The following ACMSD variants were observed in gnomAD, a reference collection of about 807,000 sequenced individuals.
ACMSD encodes the protein 2-amino-3-carboxymuconate-6-semialdehyde decarboxylase.
A neutral mutation model predicts 45.9 loss-of-function variants in ACMSD; 37 were observed. That is an observed-to-expected ratio of 0.81 (90% CI 0.62 to 1.06). The LOEUF (loss-of-function observed/expected upper bound fraction) is 1.06. Among genes scored for constraint, ACMSD ranks in the 50% least tolerant of loss-of-function variants. ACMSD has a pLI of 0.00. For missense variants in ACMSD, 434 were observed against 420.9 expected, an observed-to-expected ratio of 1.03 and a Z score of -0.27; for synonymous variants, 138 against 148.8, an observed-to-expected ratio of 0.93 and a Z score of 0.53.
chr2:134,849,077 C>G (rs898304291), intron 2 of ACMSD, among the ~76,000 whole-genome samples: 6 of 152,110 alleles, frequency 3.9e-5, no homozygotes, highest in African/African-American at 1.4e-4. Flanking sequence ...CTAGGAAGCC[C>G]CAGCTGCAGG....
At chr2:134,898,993 T>C (rs922405233) in intron 9 of ACMSD, among the ~76,000 whole-genome samples, 1 of 152,040 alleles carries the variant, frequency 6.6e-6, no homozygotes, top group African/African-American at 2.4e-5. Context: ...AGATGCAGTG[T>C]CTTCAGTTTC....
rs7603502 is a variant in ACMSD at position 134,895,358 on chromosome 2, A to T, written c.850-2983A>T. 1.0e-4 allele frequency among the ~76,000 whole-genome samples: 15 copies of T among 145,028 alleles called. No individual in the cohort carries two copies. The East Asian group carries it at 1.2e-3, about 12-fold the overall frequency. Reference sequence around the variant, plus strand: ...TATATAATATATATATAACATATATAATATATATATATGTTACAAAACATT... The same window carrying T: ...TATATAATATATATATAACATATATTATATATATATATGTTACAAAACATT... On this transcript the variant is annotated intron_variant, in intron 8 of 9. Transcript: ENST00000356140.
chr2:134,901,577 T>C (rs1427025042), intron 9 of ACMSD, among the ~76,000 whole-genome samples: 2 of 152,110 alleles, frequency 1.3e-5, no homozygotes, highest in African/African-American at 4.8e-5. Flanking sequence ...CTCCCCTTTA[T>C]AAGTCTCTTC....
At position 134,845,268 on chromosome 2, in the gene ACMSD, C is replaced by A. The variant is rs749148151; in HGVS notation, c.93C>A (p.His31Gln). 2 of 1,614,086 alleles carry A rather than the reference C, an allele frequency of 1.2e-6. No homozygotes were observed. The highest frequency in any genetic ancestry group is 2.2e-5 in the South Asian group (2 of 91,076). ...FGYGGWVQLQ[H>Q]HSKGEAKLLK... Reference sequence around the variant, plus strand: ...ACGGAGGCTGGGTGCAGCTCCAACACCACAGCAAGGTGAGTTTCTTCCAAA... The same window carrying A: ...ACGGAGGCTGGGTGCAGCTCCAACAACACAGCAAGGTGAGTTTCTTCCAAA... The change falls in exon 2 of 10, where the codon CAC becomes CAA. Residue 31 changes from histidine to glutamine, a missense_variant. Physicochemically the swap from His to Gln is conservative, Grantham distance 24 (BLOSUM62 0). Transcript: ENST00000356140.
intron 2 of ACMSD, among the ~76,000 whole-genome samples, chr2:134,849,459 C>A (rs1687228042): frequency 6.6e-6 from 1 of 152,100 alleles, no homozygotes; most frequent in African/African-American, 2.4e-5. Flanking sequence ...CAAATGTATA[C>A]AATTATGCAA....
intron 1 of ACMSD, among the ~76,000 whole-genome samples, chr2:134,842,250 G>C (rs149540868): frequency 6.6e-6 from 1 of 152,026 alleles, no homozygotes; most frequent in Non-Finnish European, 1.5e-5. Context: ...TGAGAACTGC[G>C]GGGCTACATC....
intron 8 of ACMSD, among the ~76,000 whole-genome samples, chr2:134,879,236 T>C (rs2104907723): frequency 6.6e-6 from 1 of 152,326 alleles, no homozygotes; most frequent in East Asian, 1.9e-4. Context: ...TGCTAAATTT[T>C]TGCCACCACC....
chr2:134,844,175 G>T (rs1245073632), intron 1 of ACMSD, among the ~76,000 whole-genome samples: 2 of 152,204 alleles, frequency 1.3e-5, no homozygotes, highest in Non-Finnish European at 2.9e-5. Flanking sequence ...TTTTCAGGCG[G>T]TGGCTTTCCA....
In ACMSD at chr2:134,846,922, G is replaced by A. The variant is rs12622574; in HGVS notation, c.102+1645G>A. Among the ~76,000 whole-genome samples, 1,620 of 152,288 alleles carry A rather than the reference G, an allele frequency of 0.011. 76 individuals carry two copies. The East Asian group carries it at 0.17, about 16-fold the overall frequency. On this transcript the variant is annotated intron_variant, in intron 2 of 9. Coordinates refer to ENST00000356140, the MANE Select transcript of ACMSD (RefSeq NM_138326.3). ...CAAGAGGCTGGCTGGTCTGTGACCT[G>A]GCAAAGGCTTCGAGGATGAGAAGGG...
chr2:134,859,927 C>T (rs1348635974), intron 3 of ACMSD, among the ~76,000 whole-genome samples: 1 of 152,010 alleles, frequency 6.6e-6, no homozygotes, highest in Non-Finnish European at 1.5e-5. Flanking sequence ...TGCTAAAAAG[C>T]TATAAGAACA....
At chr2:134,874,874 T>C (rs1334580102) in intron 8 of ACMSD, among the ~76,000 whole-genome samples, 2 of 152,154 alleles carry the variant, frequency 1.3e-5, no homozygotes, top group African/African-American at 2.4e-5. Flanking sequence ...ATGATCATAA[T>C]GGGAAATCAG....
intron 7 of ACMSD, among the ~76,000 whole-genome samples, chr2:134,871,281 G>A (rs532570219): frequency 6.6e-6 from 1 of 152,182 alleles, no homozygotes; most frequent in South Asian, 2.1e-4. Flanking sequence ...TTCTTACAAG[G>A]ACATCAGTAC....
At chr2:134,897,186 G>C (rs1690206204) in intron 8 of ACMSD, among the ~76,000 whole-genome samples, 1 of 151,446 alleles carries the variant, frequency 6.6e-6, no homozygotes, top group Non-Finnish European at 1.5e-5. Context: ...TGACCCCCAA[G>C]CCCTAGTCCT....
chr2:134,857,636 T>C (rs1325935269), intron 2 of ACMSD, among the ~76,000 whole-genome samples: 1 of 152,034 alleles, frequency 6.6e-6, no homozygotes. Flanking sequence ...AAAAACAATT[T>C]AACTTCTTTC....
intron 5 of ACMSD, among the ~76,000 whole-genome samples, chr2:134,866,876 TCTGG>T (rs2104867984): frequency 6.6e-6 from 1 of 152,350 alleles, no homozygotes; most frequent in East Asian, 1.9e-4. Context: ...TCAGTGCCTG[TCTGG>T]CTAAGGCACT....
chr2:134,872,644 A>G lies in ACMSD; in HGVS notation c.849+3A>G. 1 of 1,614,164 alleles carries G rather than the reference A, an allele frequency of 6.2e-7. No individual in the cohort carries two copies. Among genetic ancestry groups the G allele is most frequent in the Non-Finnish European group, 8.5e-7 (1 of 1,180,012 alleles). ...TGTTAACAGATGTCATAGGAAAGGT[A>G]AGCCCAGTCTGCCACTTGGATGGCT... On this transcript the variant is annotated splice_donor_region_variant and intron_variant, in intron 8 of 9. Coordinates refer to ENST00000356140, the MANE Select transcript of ACMSD (RefSeq NM_138326.3).
chr2:134,890,707 G>T (rs1235762964), intron 8 of ACMSD, among the ~76,000 whole-genome samples: 1 of 151,952 alleles, frequency 6.6e-6, no homozygotes, highest in East Asian at 1.9e-4. Context: ...GCTCAAAGAA[G>T]TGTGTATATA....
chr2:134,864,850 C>A lies in ACMSD; in HGVS notation c.486+1219C>A, dbSNP rs570180477. 8.5e-5 allele frequency among the ~76,000 whole-genome samples: 13 copies of A among 152,310 alleles called. No homozygotes were observed. The East Asian group carries it at 2.3e-3, about 27-fold the overall frequency. On this transcript the variant is annotated intron_variant, in intron 5 of 9. Transcript: ENST00000356140. ...CTTCAAGTGTCCATAGTTCCACAGTCATCTCCATCAGTCTTCTTCTTCCTC... is the reference window on the plus strand; with the variant it reads ...CTTCAAGTGTCCATAGTTCCACAGTAATCTCCATCAGTCTTCTTCTTCCTC...
Position 134,899,745 on chromosome 2 carries a change from C to T in ACMSD, c.948+1306C>T, listed in dbSNP as rs373697611. Among the ~76,000 whole-genome samples the T allele has an allele frequency of 5.7e-4, 87 of 152,174 alleles. 3 individuals carry two copies. In the Middle Eastern group the frequency reaches 0.017, roughly 30 times the overall value. On this transcript the variant is annotated intron_variant, in intron 9 of 9. Transcript: ENST00000356140. ...GTAACGCTGTAATACTGAAAACAATCTTTAGGGGAATAGTTAAATAAATCA... is the reference window on the plus strand; with the variant it reads ...GTAACGCTGTAATACTGAAAACAATTTTTAGGGGAATAGTTAAATAAATCA...
Sources: allele counts gnomAD v4.1 joint callset (sites outside exome capture counted in the v4.1 genomes callset), GRCh38; gene constraint gnomAD v4.1.1; transcripts MANE v1.5; gene names NCBI Gene and HGNC (gene_info 2026-07-23, HGNC 2026-07-21).